The following COL25A1 variants were observed in gnomAD, a reference collection of about 807,000 sequenced individuals.
COL25A1 encodes collagen type XXV alpha 1 chain.
COL25A1 carries 103 observed loss-of-function variants against 128.4 expected under a neutral mutation model. That is an observed-to-expected ratio of 0.80 (90% CI 0.68 to 0.94). The LOEUF (loss-of-function observed/expected upper bound fraction) is 0.94, where lower values mean the gene tolerates loss of function less well. Among genes scored for constraint, COL25A1 ranks in the 40% least tolerant of loss-of-function variants. COL25A1 has a pLI of 0.00. For missense variants in COL25A1, 745 were observed against 840.0 expected (o/e 0.89, Z 1.40); for synonymous variants, 279 against 277.2 (o/e 1.01, Z -0.06).
At chr4:109,089,782 T>C (rs1490070467) in intron 3 of COL25A1, among the ~76,000 whole-genome samples, 1 of 152,088 alleles carries the variant, frequency 6.6e-6, no homozygotes, top group East Asian at 1.9e-4. Context: ...ATTTTTATAT[T>C]TGTAGTTGAG....
chr4:108,841,515 A>G (rs572199877), intron 31 of COL25A1, among the ~76,000 whole-genome samples, 180 bp downstream of exon 31: 1 of 152,338 alleles, frequency 6.6e-6, no homozygotes, highest in Admixed American at 6.5e-5. Flanking sequence ...AGGTGATATC[A>G]TTTAAATTTG....
chr4:109,226,737 A>T (rs1778822803), intron 3 of COL25A1, among the ~76,000 whole-genome samples: 1 of 152,250 alleles, frequency 6.6e-6, no homozygotes, highest in Non-Finnish European at 1.5e-5. Context: ...ACATTTATTT[A>T]CATTTTTAAG....
At chr4:109,217,395 CT>C (rs1352527478) in intron 3 of COL25A1, among the ~76,000 whole-genome samples, 1 of 152,094 alleles carries the variant, frequency 6.6e-6, no homozygotes, top group African/African-American at 2.4e-5. Flanking sequence ...TCATAATAAT[CT>C]AACAGCTATT....
At chr4:109,206,003 GT>G (rs1776956601) in intron 3 of COL25A1, among the ~76,000 whole-genome samples, 1 of 151,866 alleles carries the variant, frequency 6.6e-6, no homozygotes, top group Admixed American at 6.6e-5. Flanking sequence ...TAAATTCCCA[GT>G]TTTCAGGGAC....
At chr4:108,931,468 C>G (rs1432242187) in intron 11 of COL25A1, among the ~76,000 whole-genome samples, 2 of 152,182 alleles carry the variant, frequency 1.3e-5, no homozygotes, top group East Asian at 1.9e-4. Flanking sequence ...GGAATACAGA[C>G]AGAGTCATCT....
At chr4:109,140,017 G>A (rs1321733241) in intron 3 of COL25A1, among the ~76,000 whole-genome samples, 1 of 152,084 alleles carries the variant, frequency 6.6e-6, no homozygotes, top group East Asian at 1.9e-4. Flanking sequence ...ATTTTTTATG[G>A]TTGCATAGTA....
intron 5 of COL25A1, among the ~76,000 whole-genome samples, chr4:109,024,648 C>CA (rs2125905950): frequency 6.6e-6 from 1 of 152,208 alleles, no homozygotes; most frequent in East Asian, 1.9e-4. Context: ...CTCATGATTA[C>CA]AAAAATATAT....
intron 8 of COL25A1, among the ~76,000 whole-genome samples, chr4:108,969,475 C>T (rs1032434364): frequency 6.6e-6 from 1 of 152,188 alleles, no homozygotes; most frequent in African/African-American, 2.4e-5. Flanking sequence ...TAATTATATA[C>T]ATAACACTAT....
chr4:109,050,772 T>C (rs1760907716), intron 3 of COL25A1, among the ~76,000 whole-genome samples: 1 of 152,160 alleles, frequency 6.6e-6, no homozygotes, highest in Non-Finnish European at 1.5e-5. Flanking sequence ...AGACAGTGTT[T>C]AGGTAGTAAT....
At chr4:109,278,761 G>T (rs1176704484) in intron 3 of COL25A1, among the ~76,000 whole-genome samples, 8 of 152,164 alleles carry the variant, frequency 5.3e-5, no homozygotes, top group Admixed American at 5.2e-4. Flanking sequence ...CTTCACAAAT[G>T]ATTCATTTTT....
intron 14 of COL25A1, 21 bp downstream of exon 14, chr4:108,901,098 C>T (rs1742790778): frequency 1.9e-6 from 3 of 1,589,082 alleles, no homozygotes; most frequent in African/African-American, 1.3e-5. Context: ...AATGATTCTG[C>T]TTGGCTTTAT....
intron 3 of COL25A1, among the ~76,000 whole-genome samples, chr4:109,159,992 T>C (rs1029504567): frequency 6.6e-6 from 1 of 152,170 alleles, no homozygotes; most frequent in Non-Finnish European, 1.5e-5. Flanking sequence ...AATAAGTATT[T>C]AAAATCATGT....
At position 109,079,564 on chromosome 4, in the gene COL25A1, T is replaced by C. The variant is rs547627517; in HGVS notation, c.368-29385A>G. ...CACAGAGATATACAAACACCTATAA[T>C]AAGAGCTAGAATAAATTCAAGCTCA... On this transcript the variant is annotated intron_variant, in intron 3 of 37. Coordinates refer to ENST00000399132, the MANE Select transcript of COL25A1 (RefSeq NM_198721.4). 3.3e-5 allele frequency among the ~76,000 whole-genome samples: 5 copies of C among 152,168 alleles called. No individual in the cohort carries two copies. The East Asian group carries it at 9.7e-4, about 29-fold the overall frequency.
intron 18 of COL25A1, among the ~76,000 whole-genome samples, chr4:108,886,482 G>GTTTTTTTTTT (rs1740816575): frequency 9.4e-6 from 1 of 106,466 alleles, no homozygotes; most frequent in African/African-American, 3.8e-5. Flanking sequence ...GTGTGTGTGT[G>GTTTTTTTTTT]TGTGTGTGTG....
intron 3 of COL25A1, among the ~76,000 whole-genome samples, chr4:109,181,978 A>T (rs939935502): frequency 6.6e-6 from 1 of 151,978 alleles, no homozygotes; most frequent in Non-Finnish European, 1.5e-5. Context: ...GCATTATTTC[A>T]CTTAACATAA....
chr4:108,934,060 A>G (rs1378520741), intron 11 of COL25A1, among the ~76,000 whole-genome samples: 1 of 152,190 alleles, frequency 6.6e-6, no homozygotes, highest in African/African-American at 2.4e-5. Flanking sequence ...TACTATTCAC[A>G]ATAGCAAAGA....
chr4:109,253,710 C>G (rs899659027), intron 3 of COL25A1, among the ~76,000 whole-genome samples: 5 of 152,036 alleles, frequency 3.3e-5, no homozygotes, highest in Admixed American at 6.5e-5. Flanking sequence ...TTTTTTCCAC[C>G]TGGAATCACT....
intron 3 of COL25A1, among the ~76,000 whole-genome samples, chr4:109,295,059 C>T (rs1724841299): frequency 6.6e-6 from 1 of 152,068 alleles, no homozygotes; most frequent in Non-Finnish European, 1.5e-5. Flanking sequence ...CTTATGTCTA[C>T]ATATAATTTG....
intron 3 of COL25A1, among the ~76,000 whole-genome samples, chr4:109,259,890 G>A (rs978567143): frequency 6.6e-6 from 1 of 152,162 alleles, no homozygotes; most frequent in Admixed American, 6.5e-5. Context: ...AAAGACATAA[G>A]CAACGTAGCC....
Sources: allele counts gnomAD v4.1 joint callset (sites outside exome capture counted in the v4.1 genomes callset), GRCh38; gene constraint gnomAD v4.1.1; transcripts MANE v1.5; gene names NCBI Gene and HGNC (gene_info 2026-07-23, HGNC 2026-07-21).